PDE1A: variants seen among roughly 807,000 people sequenced by gnomAD.
The protein encoded by PDE1A is dual specificity calcium/calmodulin-dependent 3',5'-cyclic nucleotide phosphodiesterase 1A.
A neutral mutation model predicts 61.7 loss-of-function variants in PDE1A; 35 were observed. The observed-to-expected ratio is 0.57, with a 90% CI of 0.43 to 0.75. PDE1A has a LOEUF of 0.75. Among genes scored for constraint, PDE1A ranks in the 30% least tolerant of loss-of-function variants. The pLI is 0.00. For synonymous variants in PDE1A, 232 were observed against 213.2 expected (o/e 1.09, Z -0.77); for missense variants, 597 against 630.6 (o/e 0.95, Z 0.57).
chr2:182,201,667 C>CAAAA lies in PDE1A; in HGVS notation c.1004+17_1004+20dup. On this transcript the variant is annotated intron_variant, in intron 9 of 13. Transcript: ENST00000351439. The stretch of plus-strand genomic sequence containing the variant: ...TAACATGACAAAAAAAAAAAAACAA[C>CAAAA]AAAAAAAACACAAAACCTACCCTTC... The CAAAA allele has an allele frequency of 9.3e-6, 11 of 1,186,574 alleles. No individual in the cohort carries two copies. In the South Asian group the frequency reaches 1.1e-4, roughly 11 times the overall value. The allele number at this position is 1,186,574 out of a possible 1,614,324, so 73.5% of individuals were successfully genotyped here.
At chr2:182,273,436 A>G (rs1693177669) in intron 1 of PDE1A, among the ~76,000 whole-genome samples, 2 of 151,650 alleles carry the variant, frequency 1.3e-5, no homozygotes, top group Non-Finnish European at 2.9e-5. Flanking sequence ...GCATATGGCT[A>G]AGCCAAGGAT....
rs75414030 is a variant in PDE1A, at chr2:182,224,871, C to A, written c.676-907G>T. 6.7e-3 allele frequency among the ~76,000 whole-genome samples: 1,025 copies of A among 151,964 alleles called. 8 individuals carry two copies. Among genetic ancestry groups the A allele is most frequent in the African/African-American group, 0.023 (954 of 41,514 alleles). The stretch of plus-strand genomic sequence containing the variant: ...GCACAGACACAAAACATTTCCATCA[C>A]CACAGCAAGTTCTACTAGAGAACAC... On this transcript the variant is annotated intron_variant, in intron 6 of 13. Coordinates refer to ENST00000351439, the Ensembl canonical transcript of PDE1A.
At chr2:182,309,338 T>A (rs1695810269) in intron 1 of PDE1A, among the ~76,000 whole-genome samples, 1 of 152,082 alleles carries the variant, frequency 6.6e-6, no homozygotes, top group African/African-American at 2.4e-5. Context: ...CATACCATCC[T>A]TATAATTCTA....
chr2:182,162,129 G>A (rs1413177689), intron 13 of PDE1A, among the ~76,000 whole-genome samples: 2 of 152,176 alleles, frequency 1.3e-5, no homozygotes, highest in African/African-American at 4.8e-5. Context: ...GGGAGCACCA[G>A]CATCCTTAAA....
chr2:182,665,610 T>C, the PDE1A span, among the ~76,000 whole-genome samples: 1 of 152,214 alleles, frequency 6.6e-6, no homozygotes, highest in Non-Finnish European at 1.5e-5. Flanking sequence ...GCTTTTACAC[T>C]GTTGGTGGGA....
chr2:182,681,943 G>T, the PDE1A span, among the ~76,000 whole-genome samples: 2 of 152,138 alleles, frequency 1.3e-5, no homozygotes, highest in South Asian at 4.1e-4. Context: ...ACCATGCCCG[G>T]CCTACTCTTT....
intron 2 of PDE1A, among the ~76,000 whole-genome samples, chr2:182,511,835 T>C (rs1014080315): frequency 2.0e-5 from 3 of 152,086 alleles, no homozygotes; most frequent in Admixed American, 1.3e-4. Flanking sequence ...CACAGCTCCT[T>C]CACCAACAGA....
chr2:182,500,112 T>A (rs891645369), intron 2 of PDE1A, among the ~76,000 whole-genome samples: 1 of 152,194 alleles, frequency 6.6e-6, no homozygotes. Flanking sequence ...TCAGAAAGAA[T>A]TAGTGATAGG....
At chr2:182,234,570 A>C in intron 3 of PDE1A, 72 bp from the exon 4 acceptor site, 1 of 978,220 alleles carries the variant, frequency 1.0e-6, no homozygotes, top group Non-Finnish European at 1.6e-6. Flanking sequence ...CTTAAATATC[A>C]GGGAAAAGAT....
intron 1 of PDE1A, among the ~76,000 whole-genome samples, chr2:182,348,333 T>A (rs1698645373): frequency 6.6e-6 from 1 of 152,126 alleles, no homozygotes; most frequent in African/African-American, 2.4e-5. Flanking sequence ...GAACTAATCA[T>A]GCTTAAGAGA....
the PDE1A span, among the ~76,000 whole-genome samples, chr2:182,659,537 A>G: frequency 6.6e-6 from 1 of 152,214 alleles, no homozygotes; most frequent in East Asian, 1.9e-4. Flanking sequence ...TATCCCTCCA[A>G]TTCTATAAAG....
At chr2:182,441,240 A>G (rs1173741243) in intron 2 of PDE1A, among the ~76,000 whole-genome samples, 1 of 152,052 alleles carries the variant, frequency 6.6e-6, no homozygotes, top group African/African-American at 2.4e-5. Context: ...ACCTGGCCCC[A>G]TCCTTGACAC....
chr2:182,218,350 C>T (rs980224951), intron 7 of PDE1A, among the ~76,000 whole-genome samples: 2 of 150,748 alleles, frequency 1.3e-5, no homozygotes, highest in African/African-American at 4.9e-5. Context: ...AGTGCACCAG[C>T]ATGGCACATG....
At chr2:182,446,413 T>C (rs1186350621) in intron 2 of PDE1A, among the ~76,000 whole-genome samples, 6 of 152,090 alleles carry the variant, frequency 3.9e-5, no homozygotes, top group Non-Finnish European at 8.8e-5. Flanking sequence ...GGTCAGAGGA[T>C]GGAGATAAAT....
At chr2:182,219,390 T>A (rs1338299718) in intron 7 of PDE1A, among the ~76,000 whole-genome samples, 1 of 152,096 alleles carries the variant, frequency 6.6e-6, no homozygotes, top group African/African-American at 2.4e-5. Flanking sequence ...ATCTGTATAA[T>A]GGAACCTGGG....
chr2:182,525,443 G>T (rs1161413225), upstream of PDE1A, among the ~76,000 whole-genome samples: 1 of 152,136 alleles, frequency 6.6e-6, no homozygotes, highest in Non-Finnish European at 1.5e-5. Flanking sequence ...GGCTGATGTA[G>T]TTTGGATCTG....
At chr2:182,344,963 G>A (rs559335435) in intron 1 of PDE1A, among the ~76,000 whole-genome samples, 5 of 152,146 alleles carry the variant, frequency 3.3e-5, no homozygotes, top group African/African-American at 7.2e-5. Context: ...AAAACACCCC[G>A]ATTCAGTGCA....
chr2:182,334,765 G>A (rs1230209278), intron 1 of PDE1A, among the ~76,000 whole-genome samples: 1 of 152,206 alleles, frequency 6.6e-6, no homozygotes, highest in Non-Finnish European at 1.5e-5. Flanking sequence ...AGTTTTGGAA[G>A]TTCTGGCCAG....
intron 1 of PDE1A, among the ~76,000 whole-genome samples, chr2:182,423,877 A>C (rs943530566): frequency 1.3e-5 from 2 of 151,738 alleles, no homozygotes; most frequent in African/African-American, 4.8e-5. Flanking sequence ...AGGGGAAATT[A>C]GCCTGTATAT....
Sources: gnomAD v4.1 joint callset for allele counts (sites outside exome capture counted in the v4.1 genomes callset) on GRCh38, gnomAD v4.1.1 for gene constraint, MANE v1.5 for transcripts, NCBI Gene and HGNC (gene_info 2026-07-23, HGNC 2026-07-21) for gene names.